The following TRHDE variants were observed in gnomAD, a reference collection of about 807,000 sequenced individuals.
TRHDE encodes the protein thyrotropin releasing hormone degrading enzyme.
Under a neutral mutation model 125.7 loss-of-function variants are expected in TRHDE, and 72 were observed. That is an observed-to-expected ratio of 0.57 (90% CI 0.47 to 0.70). TRHDE has a LOEUF of 0.70. Ranked by LOEUF, TRHDE falls within the 30% of genes least tolerant of loss-of-function variation. The pLI is 0.00. For missense variants in TRHDE, 1,110 were observed against 1,327.1 expected, an observed-to-expected ratio of 0.84 and a Z score of 2.54; for synonymous variants, 509 against 509.1, an observed-to-expected ratio of 1.00 and a Z score of 0.00.
At chr12:72,225,799 A>G (rs751154543) in intron 2 of TRHDE, among the ~76,000 whole-genome samples, 14 of 152,192 alleles carry the variant, frequency 9.2e-5, no homozygotes, top group Non-Finnish European at 1.8e-4. Context: ...GGGGCCAGGA[A>G]AAGAAAGGCT....
chr12:72,274,451 T>C (rs1215921798), intron 1 of TRHDE: 1 of 152,232 alleles, frequency 6.6e-6, no homozygotes, highest in Non-Finnish European at 1.5e-5. Context: ...CATAATCCAA[T>C]AGAACTGAGT....
chr12:72,426,709 A>T lies in TRHDE; in HGVS notation c.1316-43049A>T, dbSNP rs1874199502. Among the ~76,000 whole-genome samples the T allele has an allele frequency of 6.1e-5, 9 of 147,226 alleles. No homozygotes were observed. In the South Asian group the frequency reaches 2.0e-3, roughly 32 times the overall value. On this transcript the variant is annotated intron_variant, in intron 3 of 18. Transcript: ENST00000261180. Reference sequence around the variant, plus strand: ...GGTGCTAGAGATATGGCAACCACAAAAATAGATTTAAAAAAAAAAAACCAG... The same window carrying T: ...GGTGCTAGAGATATGGCAACCACAATAATAGATTTAAAAAAAAAAAACCAG...
chr12:72,178,660 A>G (rs1877037743), intron 2 of TRHDE, among the ~76,000 whole-genome samples: 1 of 152,098 alleles, frequency 6.6e-6, no homozygotes, highest in Non-Finnish European at 1.5e-5. Context: ...GCTAATGAGA[A>G]ATCTTACATA....
chr12:72,355,390 A>C (rs1870769603), intron 2 of TRHDE, among the ~76,000 whole-genome samples: 1 of 151,544 alleles, frequency 6.6e-6, no homozygotes, highest in African/African-American at 2.4e-5. Context: ...CCTCAGAGCA[A>C]ATAAAGGTTT....
At chr12:72,117,638 A>T (rs771748179) in intron 2 of TRHDE, among the ~76,000 whole-genome samples, 1 of 152,124 alleles carries the variant, frequency 6.6e-6, no homozygotes, top group Non-Finnish European at 1.5e-5. Flanking sequence ...TTTGATAGGG[A>T]TTGCATTGAC....
At chr12:72,631,413 T>A (rs1357773704) in intron 15 of TRHDE, among the ~76,000 whole-genome samples, 1 of 151,866 alleles carries the variant, frequency 6.6e-6, no homozygotes. Context: ...TGTTACTTCA[T>A]AAAATAGGAC....
chr12:72,374,292 A>AGTGTGTGTGTGTGTGT (rs148577049), intron 2 of TRHDE, among the ~76,000 whole-genome samples: 1 of 134,018 alleles, frequency 7.5e-6, no homozygotes, highest in East Asian at 2.2e-4. Flanking sequence ...TAGAAGGAGA[A>AGTGTGTGTGTGTGTGT]GTGTGTGTGT....
rs560287908 is a variant in TRHDE at position 72,396,291 on chromosome 12, T to G, written c.1315+18170T>G. Among the ~76,000 whole-genome samples, 21 of 152,346 alleles carry G rather than the reference T, an allele frequency of 1.4e-4. No homozygotes were observed. The South Asian group carries it at 4.1e-3, about 30-fold the overall frequency. On this transcript the variant is annotated intron_variant, in intron 3 of 18. Transcript: ENST00000261180. ...AGCATATTCTTCAGAATGTTTTCTC[T>G]ACAGTGTCCATTCTTTACCTCCCAT...
rs118086001 is a variant in TRHDE, at chr12:72,168,671, C to T, written n.279+62919C>T. ...ATGGATTTTATTTTCTGCAATTGAA[C>T]TTGTCCAACATCTCTTCCCTCCAAC... On this transcript the variant is annotated intron_variant and non_coding_transcript_variant, in intron 2 of 4. Transcript: ENST00000548156. Among the ~76,000 whole-genome samples, 1,181 of 152,290 alleles carry T rather than the reference C, an allele frequency of 7.8e-3. 5 individuals carry two copies. The highest frequency in any genetic ancestry group is 0.051 in the Middle Eastern group (15 of 294).
At chr12:72,263,925 C>T (rs1783858105) in intron 2 of TRHDE, 1 of 151,988 alleles carries the variant, frequency 6.6e-6, no homozygotes, top group African/African-American at 2.4e-5. Flanking sequence ...TACAACCTTC[C>T]ACTCTTAATA....
chr12:72,092,919 T>C (rs1409489134), intron 1 of TRHDE, among the ~76,000 whole-genome samples: 1 of 152,218 alleles, frequency 6.6e-6, no homozygotes, highest in East Asian at 1.9e-4. Flanking sequence ...AAACTCACCA[T>C]CTTAGCCTCC....
At chr12:72,377,106 T>C (rs1338046095) in intron 2 of TRHDE, among the ~76,000 whole-genome samples, 1 of 152,194 alleles carries the variant, frequency 6.6e-6, no homozygotes, top group Admixed American at 6.5e-5. Context: ...CACTGTGCTC[T>C]CTACTGCTCC....
At chr12:72,589,138 C>A (rs1340832665) in intron 12 of TRHDE, among the ~76,000 whole-genome samples, 3 of 152,110 alleles carry the variant, frequency 2.0e-5, no homozygotes, top group Non-Finnish European at 4.4e-5. Context: ...GCCCAGAGCA[C>A]CCTGGTAGCC....
At chr12:72,444,948 C>T (rs926090161) in intron 3 of TRHDE, among the ~76,000 whole-genome samples, 5 of 151,788 alleles carry the variant, frequency 3.3e-5, no homozygotes, top group Non-Finnish European at 7.4e-5. Flanking sequence ...CTCTTTCCTC[C>T]CATTCAGATG....
At chr12:72,226,326 A>T (rs1308011614) in intron 2 of TRHDE, among the ~76,000 whole-genome samples, 1 of 152,192 alleles carries the variant, frequency 6.6e-6, no homozygotes, top group Admixed American at 6.5e-5. Context: ...TCATATTAGC[A>T]TGCACACCTT....
At chr12:72,608,443 T>C (rs778258414) in intron 12 of TRHDE, among the ~76,000 whole-genome samples, 2 of 152,192 alleles carry the variant, frequency 1.3e-5, no homozygotes, top group Non-Finnish European at 2.9e-5. Flanking sequence ...CAAAGTGTTA[T>C]TGTAATGCAC....
chr12:72,179,599 T>C (rs534351051), intron 2 of TRHDE, among the ~76,000 whole-genome samples: 3 of 152,242 alleles, frequency 2.0e-5, no homozygotes, highest in Non-Finnish European at 2.9e-5. Context: ...CATGAAGCCA[T>C]TTCTGATCCT....
In TRHDE at chr12:72,360,536, G is replaced by A. The variant is rs918545200; in HGVS notation, c.1189-17459G>A. ...AGAAATATGCAAATTACAACTAACC[G>A]TGGAACACTATTTCATACCCATTGT... On this transcript the variant is annotated intron_variant, in intron 2 of 18. Transcript: ENST00000261180. Among the ~76,000 whole-genome samples, 5 of 151,686 alleles carry A rather than the reference G, an allele frequency of 3.3e-5. No homozygotes were observed. The East Asian group carries it at 9.7e-4, about 29-fold the overall frequency.
intron 2 of TRHDE, among the ~76,000 whole-genome samples, chr12:72,150,408 T>C (rs1333743027): frequency 6.6e-6 from 1 of 151,966 alleles, no homozygotes; most frequent in Non-Finnish European, 1.5e-5. Flanking sequence ...TTTTTTTTTT[T>C]TAATTTTACT....
Sources: allele counts gnomAD v4.1 joint callset (sites outside exome capture counted in the v4.1 genomes callset), GRCh38; gene constraint gnomAD v4.1.1; transcripts MANE v1.5; gene names NCBI Gene and HGNC (gene_info 2026-07-23, HGNC 2026-07-21).